The following GOLPH3 variants were observed in gnomAD, a reference collection of about 807,000 sequenced individuals.
The protein encoded by GOLPH3 is golgi phosphoprotein 3.
In GOLPH3, 14 loss-of-function variants were observed where a neutral mutation model predicts 28.5. The ratio of observed to expected loss-of-function variants is 0.49; its 90% confidence interval spans 0.32 to 0.77. The LOEUF is 0.77. Among genes scored for constraint, GOLPH3 ranks in the 30% least tolerant of loss-of-function variants. The pLI is 0.03. For missense variants in GOLPH3, 350 were observed against 393.7 expected (o/e 0.89, Z 0.94); for synonymous variants, 158 against 159.2 (o/e 0.99, Z 0.06).
chr5:32,173,430 GGTGGCTCCAGCT>G (rs1444822288), intron 1 of GOLPH3, among the ~76,000 whole-genome samples: 2 of 152,058 alleles, frequency 1.3e-5, no homozygotes, highest in East Asian at 3.9e-4. Context: ...TCGTGGCGCT[GGTGGCTCCAGCT>G]GTTAGTTTCC....
chr5:32,153,532 A>C (rs1263350739), intron 1 of GOLPH3, among the ~76,000 whole-genome samples: 1 of 152,204 alleles, frequency 6.6e-6, no homozygotes, highest in Non-Finnish European at 1.5e-5. Flanking sequence ...GCACATTCTT[A>C]ATAAAAATAC....
Position 32,125,961 on chromosome 5 carries a change from A to T in GOLPH3, c.*251T>A. On this transcript the variant is annotated 3_prime_UTR_variant, in exon 4 of 4. Coordinates refer to ENST00000265070, the MANE Select transcript of GOLPH3 (RefSeq NM_022130.4). Reference sequence around the variant, plus strand: ...AGTAGACCAGAAACCCAAAACAGGTAACAGTGAGGATGGCAACAGGGAATG... The same window carrying T: ...AGTAGACCAGAAACCCAAAACAGGTTACAGTGAGGATGGCAACAGGGAATG... The T allele has an allele frequency of 2.4e-6, 1 of 413,204 alleles. No homozygotes were observed. The highest frequency in any genetic ancestry group is 4.3e-6 in the Non-Finnish European group (1 of 231,740). The allele number at this position is 413,204 out of a possible 1,614,324, so 25.6% of individuals were successfully genotyped here.
At chr5:32,132,094 T>C (rs944712246) in intron 3 of GOLPH3, among the ~76,000 whole-genome samples, 10 of 152,192 alleles carry the variant, frequency 6.6e-5, no homozygotes, top group African/African-American at 2.2e-4. Flanking sequence ...AGGTCAAGAC[T>C]GCAGTGAGCT....
At chr5:32,129,460 G>C (rs1745776089) in intron 3 of GOLPH3, among the ~76,000 whole-genome samples, 2 of 152,102 alleles carry the variant, frequency 1.3e-5, no homozygotes, top group African/African-American at 4.8e-5. Context: ...AATCCTGTTA[G>C]GTACTGAGAA....
rs1430289647 is a variant in GOLPH3 at position 32,124,961 on chromosome 5, G to T, written c.*1251C>A. 6.6e-6 allele frequency: 1 copy of T among 152,560 alleles called. No individual in the cohort carries two copies. The highest frequency in any genetic ancestry group is 1.5e-5 in the Non-Finnish European group (1 of 68,016). The allele number at this position is 152,560 out of a possible 1,614,324, so 9.5% of individuals were successfully genotyped here. A position where few individuals can be genotyped will look rare whatever the true frequency, so the allele number is the denominator to read the frequency against. ...TAGTATTTACATTATGAAACCAATG[G>T]TGATGATACAATAAAGTGATAAAGA... On this transcript the variant is annotated 3_prime_UTR_variant, in exon 4 of 4. Transcript: ENST00000265070.
rs566226796 is a variant in GOLPH3 at position 32,142,917 on chromosome 5, C to A, written c.357+832G>T. ...CGCGCCTACTGGGAAGTGAGGAGCC[C>A]CTCTGCCCGGCCACCACCCCGTCTG... On this transcript the variant is annotated intron_variant, in intron 2 of 3. Transcript: ENST00000265070. Among the ~76,000 whole-genome samples, 497 of 150,084 alleles carry A rather than the reference C, an allele frequency of 3.3e-3. 1 individual carries two copies. The highest frequency in any genetic ancestry group is 0.012 in the African/African-American group (482 of 39,654).
intron 3 of GOLPH3, among the ~76,000 whole-genome samples, chr5:32,127,015 A>T (rs966573047): frequency 1.8e-4 from 27 of 148,922 alleles, no homozygotes; most frequent in Admixed American, 3.4e-4. Context: ...CTAATAGACT[A>T]AAAAAAAAAG....
chr5:32,130,841 T>G (rs773331990), intron 3 of GOLPH3, among the ~76,000 whole-genome samples: 3 of 152,226 alleles, frequency 2.0e-5, no homozygotes, highest in Admixed American at 1.3e-4. Flanking sequence ...TATCCTCACC[T>G]TATCCTTAGT....
intron 3 of GOLPH3, among the ~76,000 whole-genome samples, chr5:32,133,572 G>T (rs749540637): frequency 1.2e-4 from 19 of 152,162 alleles, no homozygotes; most frequent in African/African-American, 4.6e-4. Context: ...CAGTATAAAC[G>T]TTATTAGCAG....
intron 1 of GOLPH3, among the ~76,000 whole-genome samples, chr5:32,156,718 T>C (rs1356159483): frequency 6.6e-6 from 1 of 152,202 alleles, no homozygotes; most frequent in Non-Finnish European, 1.5e-5. Flanking sequence ...CCTCATCACA[T>C]GCGCAGCTCA....
intron 1 of GOLPH3, among the ~76,000 whole-genome samples, chr5:32,152,072 A>G (rs1031822409): frequency 6.6e-6 from 1 of 152,108 alleles, no homozygotes; most frequent in Non-Finnish European, 1.5e-5. Flanking sequence ...ATGCCACTAA[A>G]CTGTACCACT....
At position 32,145,951 on chromosome 5, in the gene GOLPH3, T is replaced by C. The variant is rs368627922; in HGVS notation, c.226-2071A>G. On this transcript the variant is annotated intron_variant, in intron 1 of 3. Transcript: ENST00000265070. ...CAAACAACAGAAAAGTACAGTATGT[T>C]GATACCCTCCTGCTAAAATCCATGT... Among the ~76,000 whole-genome samples, 38 of 152,244 alleles carry C rather than the reference T, an allele frequency of 2.5e-4. No individual in the cohort carries two copies. The South Asian group carries it at 7.9e-3, about 32-fold the overall frequency.
intron 2 of GOLPH3, among the ~76,000 whole-genome samples, chr5:32,142,028 C>T (rs1199329491): frequency 6.6e-6 from 1 of 152,210 alleles, no homozygotes; most frequent in African/African-American, 2.4e-5. Context: ...GCCGCCACCC[C>T]GTCTGGGAAG....
intron 1 of GOLPH3, among the ~76,000 whole-genome samples, chr5:32,166,374 G>A (rs1336148548): frequency 6.6e-6 from 1 of 152,150 alleles, no homozygotes; most frequent in African/African-American, 2.4e-5. Context: ...ACCTCAAAAT[G>A]TACTAGATTA....
intron 1 of GOLPH3, among the ~76,000 whole-genome samples, chr5:32,159,132 G>A (rs865991729): frequency 6.6e-6 from 1 of 152,186 alleles, no homozygotes; most frequent in South Asian, 2.1e-4. Flanking sequence ...TTTAATGCAT[G>A]ATCTAGGTGT....
chr5:32,167,862 G>A (rs549773758), intron 1 of GOLPH3, among the ~76,000 whole-genome samples: 2 of 152,236 alleles, frequency 1.3e-5, no homozygotes, highest in East Asian at 3.9e-4. Context: ...ACTGAGGAGG[G>A]AGGATTGCTT....
In GOLPH3 at chr5:32,126,652, C is replaced by T. The variant is rs1745688496; in HGVS notation, c.473-16G>A. 1 of 1,596,752 alleles carries T rather than the reference C, an allele frequency of 6.3e-7. No individual in the cohort carries two copies. The highest frequency in any genetic ancestry group is 8.5e-7 in the Non-Finnish European group (1 of 1,171,746). On this transcript the variant is annotated splice_polypyrimidine_tract_variant and intron_variant, in intron 3 of 3. Transcript: ENST00000265070. ...CATGTCTCACCTAAACAAAAGATTT[C>T]AGAAGTTAGAAATGATGAGTATTAT... is the stretch of plus-strand genomic sequence containing the variant.
At chr5:32,172,566 A>C (rs1452617606) in intron 1 of GOLPH3, among the ~76,000 whole-genome samples, 1 of 152,092 alleles carries the variant, frequency 6.6e-6, no homozygotes, top group Non-Finnish European at 1.5e-5. Flanking sequence ...ATGGCGGCGC[A>C]CGTCTGTAGT....
At chr5:32,127,165 C>T (rs994517105) in intron 3 of GOLPH3, among the ~76,000 whole-genome samples, 2 of 152,298 alleles carry the variant, frequency 1.3e-5, no homozygotes, top group East Asian at 1.9e-4. Flanking sequence ...CAATTTTAAC[C>T]TTGCCATCCA....
Sources: gnomAD v4.1 joint callset for allele counts (sites outside exome capture counted in the v4.1 genomes callset) on GRCh38, gnomAD v4.1.1 for gene constraint, MANE v1.5 for transcripts, NCBI Gene and HGNC (gene_info 2026-07-23, HGNC 2026-07-21) for gene names.